The following TENM4 variants were observed in gnomAD, a reference collection of about 807,000 sequenced individuals.
TENM4 encodes teneurin-4.
Under a neutral mutation model 243.3 loss-of-function variants are expected in TENM4, and 82 were observed. That is an observed-to-expected ratio of 0.34 (90% CI 0.28 to 0.40). The LOEUF (loss-of-function observed/expected upper bound fraction) is 0.40. TENM4 is among the 10% of genes least tolerant of loss of function. TENM4 has a pLI of 1.00. For synonymous variants in TENM4, 1,412 were observed against 1,456.3 expected, an observed-to-expected ratio of 0.97 and a Z score of 0.69; for missense variants, 3,138 against 3,673.3, an observed-to-expected ratio of 0.85 and a Z score of 3.77.
chr11:78,773,323 T>C (rs934436652), intron 17 of TENM4, among the ~76,000 whole-genome samples: 1 of 152,234 alleles, frequency 6.6e-6, no homozygotes, highest in African/African-American at 2.4e-5. Flanking sequence ...AGGCATGTTA[T>C]TGAATTTCTT....
At chr11:79,409,091 T>TGCGCGCGCGC (rs1183081159) in intron 1 of TENM4, among the ~76,000 whole-genome samples, 6 of 116,970 alleles carry the variant, frequency 5.1e-5, no homozygotes, top group Non-Finnish European at 1.1e-4. Context: ...TGTGTGTGTG[T>TGCGCGCGCGC]GTGTGTGTGT....
At chr11:78,725,008 G>A (rs916237076) in intron 23 of TENM4, among the ~76,000 whole-genome samples, 12 of 152,210 alleles carry the variant, frequency 7.9e-5, no homozygotes, top group African/African-American at 2.9e-4. Flanking sequence ...GAGAAGTGAG[G>A]TGAGTGAGAA....
intron 6 of TENM4, among the ~76,000 whole-genome samples, chr11:79,064,337 C>T (rs559862545): frequency 6.6e-6 from 1 of 152,268 alleles, no homozygotes; most frequent in African/African-American, 2.4e-5. Context: ...CTAGAGGTTG[C>T]CCAGGACAGC....
intron 3 of TENM4, among the ~76,000 whole-genome samples, chr11:79,152,986 A>T (rs1315761915): frequency 2.0e-5 from 3 of 152,250 alleles, no homozygotes. Flanking sequence ...GTTCTTCTAA[A>T]GATTCTGGGC....
chr11:79,062,908 G>A (rs1860138385), intron 6 of TENM4, among the ~76,000 whole-genome samples: 1 of 152,074 alleles, frequency 6.6e-6, no homozygotes, highest in African/African-American at 2.4e-5. Context: ...CCTTGGGAAG[G>A]TGGGTGAGGG....
chr11:79,030,058 G>C (rs762418558), intron 6 of TENM4, among the ~76,000 whole-genome samples: 1 of 152,084 alleles, frequency 6.6e-6, no homozygotes, highest in Non-Finnish European at 1.5e-5. Flanking sequence ...ATCGGAATCC[G>C]CCCTGGATTA....
chr11:79,175,492 C>T (rs748879678), intron 3 of TENM4, among the ~76,000 whole-genome samples: 25 of 152,034 alleles, frequency 1.6e-4, no homozygotes, highest in Non-Finnish European at 3.2e-4. Context: ...TTCCACAGGA[C>T]GCAATACAAT....
intron 29 of TENM4, among the ~76,000 whole-genome samples, chr11:78,684,414 G>A (rs1565330436): frequency 6.6e-6 from 1 of 152,350 alleles, no homozygotes; most frequent in South Asian, 2.1e-4. Flanking sequence ...GGCATATAGT[G>A]TTATGTAAAT....
At chr11:79,439,167 C>T (rs1392861269) in intron 1 of TENM4, 4 of 149,330 alleles carry the variant, frequency 2.7e-5, no homozygotes, top group Non-Finnish European at 4.5e-5. Context: ...GAGCTTGCCC[C>T]ACCACCGCCT....
At chr11:79,219,956 A>C (rs1864126167) in intron 2 of TENM4, among the ~76,000 whole-genome samples, 1 of 152,232 alleles carries the variant, frequency 6.6e-6, no homozygotes, top group Non-Finnish European at 1.5e-5. Flanking sequence ...GGTAGCAGGA[A>C]ACCACCCTCC....
chr11:79,074,458 T>C (rs1428989685), intron 4 of TENM4, among the ~76,000 whole-genome samples: 1 of 152,180 alleles, frequency 6.6e-6, no homozygotes, highest in Admixed American at 6.5e-5. Context: ...CTAAACGTGT[T>C]CGCTCCCTCC....
chr11:79,256,573 C>T (rs1392663897), intron 2 of TENM4, among the ~76,000 whole-genome samples: 3 of 152,196 alleles, frequency 2.0e-5, no homozygotes, highest in Non-Finnish European at 4.4e-5. Flanking sequence ...ATGGTGTCAC[C>T]TACAAGAGAA....
intron 12 of TENM4, among the ~76,000 whole-genome samples, chr11:78,847,194 G>C (rs547292): frequency 6.6e-6 from 1 of 152,122 alleles, no homozygotes; most frequent in Admixed American, 6.5e-5. Context: ...TGCTACTCTA[G>C]TGGGGATTTT....
chr11:78,860,220 G>C (rs1383917578), intron 10 of TENM4, among the ~76,000 whole-genome samples: 1 of 152,198 alleles, frequency 6.6e-6, no homozygotes, highest in Non-Finnish European at 1.5e-5. Flanking sequence ...ATATGGAATG[G>C]CATGGGATTT....
intron 6 of TENM4, among the ~76,000 whole-genome samples, chr11:79,047,871 C>T (rs1176061627): frequency 2.6e-5 from 4 of 152,074 alleles, no homozygotes; most frequent in Non-Finnish European, 5.9e-5. Flanking sequence ...TTTGAATAGG[C>T]TTATGTAATA....
At position 78,888,540 on chromosome 11, in the gene TENM4, C is replaced by G. The variant is rs562467177; in HGVS notation, c.1084+1245G>C. Among the ~76,000 whole-genome samples, 4 of 152,332 alleles carry G rather than the reference C, an allele frequency of 2.6e-5. 1 individual carries two copies. In the South Asian group the frequency reaches 8.3e-4, roughly 32 times the overall value. ...AGAATCTTGAGTGGAATTGACCTTACAGCTTATGCCACTCAAACCCCATCC... is the reference window on the plus strand; with the variant it reads ...AGAATCTTGAGTGGAATTGACCTTAGAGCTTATGCCACTCAAACCCCATCC... On this transcript the variant is annotated intron_variant, in intron 9 of 33. Coordinates refer to ENST00000278550, the MANE Select transcript of TENM4 (RefSeq NM_001098816.3).
At chr11:78,877,278 T>C (rs976618085) in intron 9 of TENM4, among the ~76,000 whole-genome samples, 7 of 152,144 alleles carry the variant, frequency 4.6e-5, no homozygotes, top group South Asian at 2.1e-4. Flanking sequence ...TCCACCCTGC[T>C]CTTCCTCCCT....
At chr11:78,764,296 A>G (rs925807629) in intron 18 of TENM4, among the ~76,000 whole-genome samples, 1 of 152,258 alleles carries the variant, frequency 6.6e-6, no homozygotes, top group African/African-American at 2.4e-5. Context: ...ACCGCTAGTT[A>G]AAGAGCAGAA....
chr11:78,715,240 A>G (rs1859495245), intron 25 of TENM4, among the ~76,000 whole-genome samples: 7 of 152,228 alleles, frequency 4.6e-5, no homozygotes, highest in Admixed American at 3.3e-4. Context: ...CTGGCTACAT[A>G]AAAGGCGGTG....
Sources: allele counts gnomAD v4.1 joint callset (sites outside exome capture counted in the v4.1 genomes callset), GRCh38; gene constraint gnomAD v4.1.1; transcripts MANE v1.5; gene names NCBI Gene and HGNC (gene_info 2026-07-23, HGNC 2026-07-21).